The following KALRN variants were observed in gnomAD, a reference collection of about 807,000 sequenced individuals.
KALRN encodes kalirin RhoGEF kinase, also known as kalirin.
A neutral mutation model predicts 353.7 loss-of-function variants in KALRN; 70 were observed. The observed-to-expected ratio is 0.20, with a 90% CI of 0.16 to 0.24. The LOEUF is 0.24. Among genes scored for constraint, KALRN ranks in the 10% least tolerant of loss-of-function variants. The pLI is 1.00. For missense variants in KALRN, 2,791 were observed against 3,756.7 expected (o/e 0.74, Z 6.72); for synonymous variants, 1,391 against 1,434.8 (o/e 0.97, Z 0.69).
chr3:124,177,755 T>G (rs778721784), intron 1 of KALRN, among the ~76,000 whole-genome samples: 9 of 152,216 alleles, frequency 5.9e-5, no homozygotes, highest in Non-Finnish European at 1.0e-4. Context: ...TGTGATGTGC[T>G]GGGGAGGGAT....
intron 34 of KALRN, among the ~76,000 whole-genome samples, chr3:124,618,610 G>A (rs2078920492): frequency 1.3e-5 from 2 of 152,208 alleles, no homozygotes; most frequent in Admixed American, 1.3e-4. Context: ...AATATTACTA[G>A]ATAAGCTAAT....
At chr3:124,576,604 A>G (rs1301518869) in intron 34 of KALRN, among the ~76,000 whole-genome samples, 1 of 152,190 alleles carries the variant, frequency 6.6e-6, no homozygotes, top group Non-Finnish European at 1.5e-5. Context: ...GTCATTATCC[A>G]CATTCCATTA....
chr3:124,647,439 A>G (rs1708314), intron 37 of KALRN, among the ~76,000 whole-genome samples: 35,721 of 151,958 alleles, frequency 0.24, 4,492 homozygotes, highest in East Asian at 0.47. Flanking sequence ...CTTTCACCCT[A>G]TACTCACAAT....
At chr3:124,484,830 A>G (rs1294675503) in intron 28 of KALRN, among the ~76,000 whole-genome samples, 1 of 152,240 alleles carries the variant, frequency 6.6e-6, no homozygotes, top group East Asian at 1.9e-4. Context: ...ATGGTCGGGC[A>G]TGGTGGCTCA....
intron 1 of KALRN, among the ~76,000 whole-genome samples, chr3:124,083,334 G>T (rs1193758568): frequency 6.6e-6 from 1 of 152,188 alleles, no homozygotes; most frequent in Non-Finnish European, 1.5e-5. Flanking sequence ...TGTGGTGGGT[G>T]CAGATGCAGG....
chr3:124,086,272 T>C (rs2060811864), intron 1 of KALRN, among the ~76,000 whole-genome samples: 1 of 151,860 alleles, frequency 6.6e-6, no homozygotes, highest in South Asian at 2.1e-4. Flanking sequence ...ATAAGAATAT[T>C]ATATCAATTT....
intron 10 of KALRN, among the ~76,000 whole-genome samples, chr3:124,349,966 G>T (rs1373105429): frequency 6.6e-6 from 1 of 152,146 alleles, no homozygotes; most frequent in African/African-American, 2.4e-5. Flanking sequence ...TTGGAATAGG[G>T]CCATCCCATA....
At chr3:124,342,495 C>CT (rs1265305992) in intron 9 of KALRN, among the ~76,000 whole-genome samples, 2 of 152,146 alleles carry the variant, frequency 1.3e-5, no homozygotes, top group Admixed American at 1.3e-4. Flanking sequence ...TGATTTCATT[C>CT]TTTTTTATGG....
chr3:124,131,044 C>G (rs2065218068), intron 1 of KALRN, among the ~76,000 whole-genome samples: 1 of 152,096 alleles, frequency 6.6e-6, no homozygotes, highest in Non-Finnish European at 1.5e-5. Flanking sequence ...ATAACATATG[C>G]AGAAATTCAC....
At chr3:124,110,012 T>TATGTCATACTTTGATATATATGAC (rs2062754223) in intron 1 of KALRN, among the ~76,000 whole-genome samples, 2 of 12,274 alleles carry the variant, frequency 1.6e-4, no homozygotes, top group Admixed American at 1.4e-3. Context: ...ATATATGACA[T>TATGTCATACTTTGATATATATGAC]ATATGTCATA....
chr3:124,265,314 A>ATTTTTTTTTTTTTTTTTTTTTT (rs2073394178), intron 4 of KALRN, among the ~76,000 whole-genome samples: 1 of 24,942 alleles, frequency 4.0e-5, no homozygotes, highest in African/African-American at 1.6e-4. Context: ...TTTTTTTTTG[A>ATTTTTTTTTTTTTTTTTTTTTT]GATAGAGTCT....
intron 1 of KALRN, among the ~76,000 whole-genome samples, chr3:124,195,545 A>T (rs2075345242): frequency 6.6e-6 from 1 of 152,102 alleles, no homozygotes. Flanking sequence ...CCTCCTCCTC[A>T]AGGGCCATGT....
At chr3:124,090,811 T>G (rs2061073134) in intron 1 of KALRN, among the ~76,000 whole-genome samples, 1 of 152,202 alleles carries the variant, frequency 6.6e-6, no homozygotes, top group Admixed American at 6.5e-5. Context: ...TGAGGCCTTG[T>G]TATCTGTATG....
chr3:124,500,141 T>C (rs1577476486), intron 33 of KALRN, among the ~76,000 whole-genome samples: 1 of 152,232 alleles, frequency 6.6e-6, no homozygotes, highest in Admixed American at 6.5e-5. Context: ...TGTCCAGTGC[T>C]GGCTCAGAAA....
At chr3:124,413,789 T>A in intron 14 of KALRN, 124 bp downstream of exon 14, 1 of 818,406 alleles carries the variant, frequency 1.2e-6, no homozygotes, top group Non-Finnish European at 1.9e-6. Context: ...GAATAGAGAT[T>A]TTTACCCACA....
At position 124,462,604 on chromosome 3, in the gene KALRN, C is replaced by G; in HGVS notation, c.4002C>G (p.Asn1334Lys). The G allele has an allele frequency of 6.2e-7, 1 of 1,609,200 alleles. No homozygotes were observed. The change falls in exon 25 of 60, where the codon AAC (asparagine) becomes AAG (lysine). Residue 1334 changes from asparagine to lysine, a missense_variant. By Grantham distance (94) the Asn-to-Lys change is moderately conservative. Coordinates refer to ENST00000682506, the MANE Select transcript of KALRN (RefSeq NM_001388419.1). ...ILNKEHIIFG[N>K]IQEIYDFHNN... ...ATAAAGAGCATATCATCTTTGGCAACATCCAAGAGATCTACGATTTCCATA... is the reference window on the plus strand; with the variant it reads ...ATAAAGAGCATATCATCTTTGGCAAGATCCAAGAGATCTACGATTTCCATA...
intron 10 of KALRN, among the ~76,000 whole-genome samples, chr3:124,374,067 G>A (rs1032282151): frequency 6.6e-6 from 1 of 152,202 alleles, no homozygotes; most frequent in Non-Finnish European, 1.5e-5. Context: ...AATTCCCAAT[G>A]TGGTTGTATT....
At chr3:124,505,796 A>G (rs1232130896) in intron 33 of KALRN, among the ~76,000 whole-genome samples, 1 of 152,228 alleles carries the variant, frequency 6.6e-6, no homozygotes, top group Non-Finnish European at 1.5e-5. Flanking sequence ...GGTATAAAAC[A>G]TAACAATGTC....
chr3:124,400,629 A>T (rs1414727506), intron 13 of KALRN, among the ~76,000 whole-genome samples: 1 of 152,220 alleles, frequency 6.6e-6, no homozygotes, highest in Non-Finnish European at 1.5e-5. Context: ...TGTAGTGAAC[A>T]TTGTAAAGGC....
Sources: gnomAD v4.1 joint callset for allele counts (sites outside exome capture counted in the v4.1 genomes callset) on GRCh38, gnomAD v4.1.1 for gene constraint, MANE v1.5 for transcripts, NCBI Gene and HGNC (gene_info 2026-07-23, HGNC 2026-07-21) for gene names.